The following BTBD9 variants were observed in gnomAD, a reference collection of about 807,000 sequenced individuals.
BTBD9 encodes the protein BTB domain containing 9.
Under a neutral mutation model 64.3 loss-of-function variants are expected in BTBD9, and 49 were observed. The ratio of observed to expected loss-of-function variants is 0.76; its 90% CI spans 0.61 to 0.97. The LOEUF is 0.97. Among genes scored for constraint, BTBD9 ranks in the 50% least tolerant of loss-of-function variants. The pLI is 0.00. For missense variants in BTBD9, 598 were observed against 762.1 expected (o/e 0.78, Z 2.53); for synonymous variants, 260 against 274.7 (o/e 0.95, Z 0.53).
At chr6:38,181,033 C>T (rs1005010228) in intron 10 of BTBD9, among the ~76,000 whole-genome samples, 1 of 152,170 alleles carries the variant, frequency 6.6e-6, no homozygotes, top group African/African-American at 2.4e-5. Context: ...ATGTGCTAGC[C>T]CCTTCTTGGT....
chr6:38,485,427 AT>A (rs1273341145), intron 6 of BTBD9, among the ~76,000 whole-genome samples: 1 of 152,234 alleles, frequency 6.6e-6, no homozygotes, highest in African/African-American at 2.4e-5. Context: ...TACAAAATGT[AT>A]TTCGTAAATA....
At chr6:38,201,043 A>G (rs1049854357) in intron 9 of BTBD9, among the ~76,000 whole-genome samples, 1 of 152,010 alleles carries the variant, frequency 6.6e-6, no homozygotes, top group Non-Finnish European at 1.5e-5. Context: ...GTAAAAATAA[A>G]AAAAAAATCC....
chr6:38,407,039 AAGG>A (rs1562140124), intron 6 of BTBD9, among the ~76,000 whole-genome samples: 1 of 152,246 alleles, frequency 6.6e-6, no homozygotes, highest in Non-Finnish European at 1.5e-5. Flanking sequence ...TGTCTTTTGT[AAGG>A]AGAATGGGAG....
intron 9 of BTBD9, among the ~76,000 whole-genome samples, chr6:38,214,589 C>A (rs573094875): frequency 2.0e-5 from 3 of 152,232 alleles, no homozygotes; most frequent in Admixed American, 6.5e-5. Flanking sequence ...AGAGCGAAAA[C>A]AGGGAGGAGG....
At chr6:38,326,925 T>G (rs1452954621) in intron 7 of BTBD9, among the ~76,000 whole-genome samples, 3 of 152,208 alleles carry the variant, frequency 2.0e-5, no homozygotes, top group Non-Finnish European at 2.9e-5. Flanking sequence ...ATTCAAACAT[T>G]CTAGCACCTT....
At chr6:38,304,540 C>T (rs920523763) in intron 7 of BTBD9, among the ~76,000 whole-genome samples, 7 of 150,668 alleles carry the variant, frequency 4.6e-5, no homozygotes, top group Non-Finnish European at 7.4e-5. Context: ...AGCAAGGCTC[C>T]GTCTCAAAAA....
intron 9 of BTBD9, among the ~76,000 whole-genome samples, chr6:38,211,054 A>T (rs1260534830): frequency 6.6e-6 from 1 of 152,236 alleles, no homozygotes; most frequent in Non-Finnish European, 1.5e-5. Context: ...TGGCCATTGT[A>T]GCTGAGCTCT....
chr6:38,339,077 T>C (rs1001839753), intron 7 of BTBD9, among the ~76,000 whole-genome samples: 4 of 152,220 alleles, frequency 2.6e-5, no homozygotes, highest in African/African-American at 9.6e-5. Context: ...AAATTCTATG[T>C]GCATTTACTC....
At chr6:38,415,549 T>G (rs564776292) in intron 6 of BTBD9, among the ~76,000 whole-genome samples, 1 of 152,200 alleles carries the variant, frequency 6.6e-6, no homozygotes, top group Non-Finnish European at 1.5e-5. Context: ...TCGTGTTGTT[T>G]TAAGCCACGA....
At chr6:38,320,246 A>T (rs1763182243) in intron 7 of BTBD9, among the ~76,000 whole-genome samples, 1 of 151,988 alleles carries the variant, frequency 6.6e-6, no homozygotes, top group South Asian at 2.1e-4. Context: ...CACTCACCTG[A>T]TTTTTCATTC....
rs148062301 is a variant in BTBD9, at chr6:38,438,982, T to C, written c.1155-93889A>G. Reference sequence around the variant, plus strand: ...AAGTCCTGCAGCAAAAGTCTATCCCTTGTGTGTTCAAGAACAGCAAAGCGT... The same window carrying C: ...AAGTCCTGCAGCAAAAGTCTATCCCCTGTGTGTTCAAGAACAGCAAAGCGT... On this transcript the variant is annotated intron_variant, in intron 6 of 10. Transcript: ENST00000481247. 3.4e-3 allele frequency among the ~76,000 whole-genome samples: 524 copies of C among 152,238 alleles called. 4 individuals are homozygous for C. Among genetic ancestry groups the C allele is most frequent in the African/African-American group, 0.012 (503 of 41,542 alleles).
At chr6:38,218,915 C>A (rs1250986443) in intron 9 of BTBD9, among the ~76,000 whole-genome samples, 7 of 152,086 alleles carry the variant, frequency 4.6e-5, no homozygotes, top group African/African-American at 1.7e-4. Flanking sequence ...ATGAGGGTGA[C>A]TTTTAGAAAG....
chr6:38,590,262 A>C (rs1379955407), intron 4 of BTBD9, among the ~76,000 whole-genome samples: 2 of 152,224 alleles, frequency 1.3e-5, no homozygotes, highest in African/African-American at 2.4e-5. Flanking sequence ...AGAAAAAAAA[A>C]CACATCATAA....
intron 9 of BTBD9, among the ~76,000 whole-genome samples, chr6:38,226,511 CTG>C (rs1338595392): frequency 1.3e-5 from 2 of 152,230 alleles, no homozygotes; most frequent in Non-Finnish European, 2.9e-5. Context: ...ATCTCTAGCT[CTG>C]TGACTGCAGA....
chr6:38,298,442 T>C (rs1762246216), intron 7 of BTBD9, among the ~76,000 whole-genome samples: 1 of 152,232 alleles, frequency 6.6e-6, no homozygotes, highest in South Asian at 2.1e-4. Flanking sequence ...ATGCATAGAA[T>C]GTACAATGAT....
At chr6:38,322,739 C>A (rs1763284577) in intron 7 of BTBD9, among the ~76,000 whole-genome samples, 1 of 152,094 alleles carries the variant, frequency 6.6e-6, no homozygotes, top group Non-Finnish European at 1.5e-5. Flanking sequence ...GTTTATTATA[C>A]AAAATGTCAC....
chr6:38,202,187 C>T (rs953768671), intron 9 of BTBD9, among the ~76,000 whole-genome samples: 5 of 150,202 alleles, frequency 3.3e-5, no homozygotes, highest in East Asian at 2.0e-4. Context: ...CAAGCTCAAG[C>T]GATTCTCCTG....
chr6:38,589,367 T>C lies in BTBD9; in HGVS notation c.814+3209A>G, dbSNP rs545469908. ...CTCCTGCAAACATGTCCCAAGATTA[T>C]CCCTATAATGAATCCAGTTCTAGGG... On this transcript the variant is annotated intron_variant, in intron 4 of 10. Coordinates refer to ENST00000481247, the MANE Select transcript of BTBD9 (RefSeq NM_001099272.2). Among the ~76,000 whole-genome samples, 48 of 152,314 alleles carry C rather than the reference T, an allele frequency of 3.2e-4. No homozygotes were observed. In the South Asian group the frequency reaches 8.9e-3, roughly 28 times the overall value.
chr6:38,587,063 C>CAA (rs35943182), intron 4 of BTBD9, among the ~76,000 whole-genome samples: 3 of 122,714 alleles, frequency 2.4e-5, no homozygotes, highest in South Asian at 2.6e-4. Context: ...GACTCCATCT[C>CAA]AAAAAAAAAA....
Sources: gnomAD v4.1 joint callset for allele counts (sites outside exome capture counted in the v4.1 genomes callset) on GRCh38, gnomAD v4.1.1 for gene constraint, MANE v1.5 for transcripts, NCBI Gene and HGNC (gene_info 2026-07-23, HGNC 2026-07-21) for gene names.